TGFBR3: variants seen among roughly 807,000 people sequenced by gnomAD.
TGFBR3 encodes transforming growth factor beta receptor 3.
In TGFBR3, 46 loss-of-function variants were observed where a neutral mutation model predicts 87.9. That is an observed-to-expected ratio of 0.52 (90% CI 0.41 to 0.67). The LOEUF is 0.67. Among genes scored for constraint, TGFBR3 ranks in the 30% least tolerant of loss-of-function variants. The pLI, the probability that TGFBR3 is intolerant of heterozygous loss-of-function variation, is 0.00. For missense variants in TGFBR3, 866 were observed against 1,041.9 expected (o/e 0.83, Z 2.32); for synonymous variants, 381 against 391.6 (o/e 0.97, Z 0.32).
chr1:91,893,149 T>C (rs1255423809), intron 2 of TGFBR3, among the ~76,000 whole-genome samples: 1 of 152,228 alleles, frequency 6.6e-6, no homozygotes, highest in Non-Finnish European at 1.5e-5. Flanking sequence ...TGTTGTAAGT[T>C]TGGGTTTATA....
intron 3 of TGFBR3, 125 bp downstream of exon 3, chr1:91,797,162 G>C (rs1327930523): frequency 3.7e-6 from 4 of 1,068,660 alleles, no homozygotes; most frequent in Non-Finnish European, 4.3e-6. Flanking sequence ...TTTTAAATCT[G>C]TTCTCTTATG....
chr1:91,785,859 C>T (rs539442945), intron 3 of TGFBR3, among the ~76,000 whole-genome samples: 5 of 151,438 alleles, frequency 3.3e-5, no homozygotes, highest in Admixed American at 6.6e-5. Flanking sequence ...CCTCAACCTT[C>T]GGGCTCAAGT....
At chr1:91,905,892 C>T (rs2101359783) in exon 1 of TGFBR3, 1 of 152,362 alleles carries the variant, frequency 6.6e-6, no homozygotes, top group South Asian at 2.1e-4. Flanking sequence ...CTTCTTCCTG[C>T]ACAGCCTGAT....
intron 4 of TGFBR3, among the ~76,000 whole-genome samples, chr1:91,746,839 G>A (rs909767686): frequency 6.6e-6 from 1 of 152,118 alleles, no homozygotes; most frequent in Non-Finnish European, 1.5e-5. Context: ...AGACAACAGG[G>A]TTGACAATAG....
chr1:91,778,785 TAGAC>T (rs1674662759), intron 3 of TGFBR3, among the ~76,000 whole-genome samples: 2 of 152,346 alleles, frequency 1.3e-5, no homozygotes, highest in South Asian at 2.1e-4. Flanking sequence ...GCAGAAGAGA[TAGAC>T]AGTGAACATA....
Position 91,734,816 on chromosome 1 carries a change from T to A in TGFBR3, c.528A>T (p.Glu176Asp), listed in dbSNP as rs746268292. The A allele has an allele frequency of 6.2e-7, 1 of 1,614,200 alleles. No homozygotes were observed. Among genetic ancestry groups the A allele is most frequent in the Non-Finnish European group, 8.5e-7 (1 of 1,180,012 alleles). ...TATAAATGTTTCTTGCTATCTTGAG[T>A]TCGGTGAATGAAGTAACTGCTCCAT... ...KEYGAVTSFT[E>D]LKIARNIYIK... is the part of the protein sequence containing the mutation. The change falls in exon 5 of 17, where the codon GAA (glutamate) becomes GAT (aspartate). Residue 176 changes from glutamate (E) to aspartate (D), a missense_variant. Glu to Asp is a conservative substitution (Grantham distance 45). Coordinates refer to ENST00000212355, the MANE Select transcript of TGFBR3 (RefSeq NM_003243.5).
chr1:91,863,171 C>A (rs1357011045), intron 1 of TGFBR3, among the ~76,000 whole-genome samples: 1 of 152,108 alleles, frequency 6.6e-6, no homozygotes, highest in Non-Finnish European at 1.5e-5. Context: ...CAAGTATTAC[C>A]TATCCAGAAA....
chr1:91,856,051 G>T (rs1277282615), intron 2 of TGFBR3, among the ~76,000 whole-genome samples: 1 of 151,930 alleles, frequency 6.6e-6, no homozygotes, highest in South Asian at 2.1e-4. Flanking sequence ...AACGAGGGAG[G>T]GGAGGGAAAG....
chr1:91,825,470 T>C (rs566889154), intron 2 of TGFBR3, among the ~76,000 whole-genome samples: 8 of 152,164 alleles, frequency 5.3e-5, no homozygotes, highest in Non-Finnish European at 1.0e-4. Flanking sequence ...TAGTAGTTAC[T>C]AGGGCCTGGG....
intron 4 of TGFBR3, among the ~76,000 whole-genome samples, chr1:91,755,689 T>G (rs1673716703): frequency 6.6e-6 from 1 of 152,170 alleles, no homozygotes; most frequent in Non-Finnish European, 1.5e-5. Context: ...GAAGCAGTTT[T>G]TACAGATTTT....
intron 4 of TGFBR3, 65 bp downstream of exon 4, chr1:91,758,548 G>T (rs1673831969): frequency 1.0e-5 from 16 of 1,594,772 alleles, no homozygotes; most frequent in Non-Finnish European, 1.4e-5. Flanking sequence ...GAAAAGTTTG[G>T]CAAAGTTTAA....
At chr1:91,827,279 G>C (rs536829272) in intron 2 of TGFBR3, among the ~76,000 whole-genome samples, 21 of 152,274 alleles carry the variant, frequency 1.4e-4, no homozygotes, top group African/African-American at 4.8e-4. Context: ...TGGCGGTTAC[G>C]ACATGGAATG....
Position 91,895,886 on chromosome 1 carries a change from A to G in TGFBR3, c.-114+3751T>C, listed in dbSNP as rs148066023. 7.6e-3 allele frequency among the ~76,000 whole-genome samples: 1,158 copies of G among 152,286 alleles called. 9 individuals are homozygous for G. Among genetic ancestry groups the G allele is most frequent in the Non-Finnish European group, 0.013 (882 of 68,028 alleles). On this transcript the variant is annotated intron_variant, in intron 2 of 17. Transcript: ENST00000370399. ...CAGGTCAAACACATTATGGGTCATC[A>G]TTGATTTATCTCTGTCTCTTTAACC...
chr1:91,726,042 A>G (rs992628441), intron 7 of TGFBR3, among the ~76,000 whole-genome samples: 7 of 152,196 alleles, frequency 4.6e-5, no homozygotes, highest in African/African-American at 1.7e-4. Context: ...GTTGTCATGC[A>G]TTGTCCAAAA....
chr1:91,828,296 A>AC (rs1676720944), intron 2 of TGFBR3, among the ~76,000 whole-genome samples: 1 of 151,804 alleles, frequency 6.6e-6, no homozygotes, highest in Non-Finnish European at 1.5e-5. Context: ...CTAACTCCAC[A>AC]CCCCCGTCAA....
At chr1:91,698,441 CAA>C (rs17886472) in intron 14 of TGFBR3, among the ~76,000 whole-genome samples, 1 of 109,510 alleles carries the variant, frequency 9.1e-6, no homozygotes, top group African/African-American at 3.0e-5. Context: ...TATTTACTTA[CAA>C]AAAAATTCAA....
At chr1:91,741,649 T>G (rs1344512414) in intron 4 of TGFBR3, among the ~76,000 whole-genome samples, 1 of 152,004 alleles carries the variant, frequency 6.6e-6, no homozygotes, top group Non-Finnish European at 1.5e-5. Context: ...CCACCAGTCA[T>G]CTCACCAGCA....
intron 3 of TGFBR3, among the ~76,000 whole-genome samples, chr1:91,777,690 A>G (rs1487183072): frequency 6.6e-6 from 1 of 151,496 alleles, no homozygotes; most frequent in African/African-American, 2.4e-5. Flanking sequence ...AGTTGATTAC[A>G]TCTATTTGGT....
At chr1:91,871,168 C>T (rs190480356) in intron 1 of TGFBR3, among the ~76,000 whole-genome samples, 97 of 152,264 alleles carry the variant, frequency 6.4e-4, no homozygotes, top group Middle Eastern at 6.8e-3. Context: ...AGAGATCCTC[C>T]AGAAACAGCT....
Sources: allele counts gnomAD v4.1 joint callset (sites outside exome capture counted in the v4.1 genomes callset), GRCh38; gene constraint gnomAD v4.1.1; transcripts MANE v1.5; gene names NCBI Gene and HGNC (gene_info 2026-07-23, HGNC 2026-07-21).